Variants in PTPRN2 observed in about 807,000 individuals in gnomAD.
PTPRN2 encodes receptor-type tyrosine-protein phosphatase N2.
Under a neutral mutation model 118.8 loss-of-function variants are expected in PTPRN2, and 74 were observed. The ratio of observed to expected loss-of-function variants is 0.62; its 90% CI spans 0.52 to 0.76. The LOEUF is 0.76. PTPRN2 is among the 30% of genes least tolerant of loss of function. The pLI is 0.00. For missense variants in PTPRN2, 1,481 were observed against 1,394.4 expected (o/e 1.06, Z -0.99); for synonymous variants, 641 against 608.0 (o/e 1.05, Z -0.80).
chr7:158,333,895 G>C (rs1805030221), intron 2 of PTPRN2, among the ~76,000 whole-genome samples: 1 of 143,528 alleles, frequency 7.0e-6, no homozygotes, highest in South Asian at 2.4e-4. Context: ...CATAAGAGCT[G>C]ACACCCGCAG....
At chr7:157,994,595 T>C (rs1195350062) in intron 11 of PTPRN2, among the ~76,000 whole-genome samples, 875 of 71,028 alleles carry the variant, frequency 0.012, 5 homozygotes, top group African/African-American at 0.053. Context: ...CCTAAATCAA[T>C]GCCGCGTCCC....
chr7:157,731,418 G>C (rs1206252238), intron 12 of PTPRN2, among the ~76,000 whole-genome samples: 1 of 152,114 alleles, frequency 6.6e-6, no homozygotes, highest in African/African-American at 2.4e-5. Context: ...AAATAAGTAA[G>C]TCCAGAGGTC....
chr7:157,642,762 TATCATGCCCC>T (rs1000281268), intron 14 of PTPRN2, among the ~76,000 whole-genome samples: 1 of 136,728 alleles, frequency 7.3e-6, no homozygotes, highest in African/African-American at 2.8e-5. Context: ...CCACTTCTTC[TATCATGCCCC>T]ATTCACACAC....
intron 12 of PTPRN2, among the ~76,000 whole-genome samples, chr7:157,704,505 G>T (rs1224030237): frequency 1.3e-5 from 2 of 152,240 alleles, no homozygotes; most frequent in Non-Finnish European, 2.9e-5. Context: ...GTGTGCTTGG[G>T]AATGGAGGGC....
At chr7:157,951,469 C>T (rs1800803000) in intron 11 of PTPRN2, among the ~76,000 whole-genome samples, 1 of 152,166 alleles carries the variant, frequency 6.6e-6, no homozygotes, top group African/African-American at 2.4e-5. Context: ...TGCTGATGCT[C>T]ATAGGAAGGG....
At chr7:158,340,183 T>A (rs1332952973) in intron 2 of PTPRN2, among the ~76,000 whole-genome samples, 1 of 88,220 alleles carries the variant, frequency 1.1e-5, no homozygotes, top group Non-Finnish European at 2.5e-5. Flanking sequence ...CTCGCAGACG[T>A]CACTCACACC....
At position 157,682,770 on chromosome 7, in the gene PTPRN2, C is replaced by A. The variant is rs747494158; in HGVS notation, c.1956G>T (p.Ser652=). 49 of 1,614,058 alleles carry A rather than the reference C, an allele frequency of 3.0e-5. 1 individual carries two copies. The Admixed American group carries it at 7.5e-4, about 25-fold the overall frequency. ...SSQHRLKEKL[S]GLGGDPGADA... is the part of the protein sequence containing the mutation. ...CTGCACCTGGGTCGCCCCCTAGTCC[C>A]GAGAGCTTCTCCTTCAGCCTGTGCT... Residue 652 remains serine, a synonymous_variant, in exon 13 of 23, where the codon TCG becomes TCT. Transcript: ENST00000389418.
At chr7:158,371,934 G>A (rs557777732) in intron 2 of PTPRN2, among the ~76,000 whole-genome samples, 23 of 152,336 alleles carry the variant, frequency 1.5e-4, no homozygotes, top group African/African-American at 5.5e-4. Flanking sequence ...CACACAGCTG[G>A]ACGTAGCGCA....
chr7:158,249,443 CCATACATA>C (rs1163953635), intron 3 of PTPRN2, among the ~76,000 whole-genome samples: 3 of 148,824 alleles, frequency 2.0e-5, no homozygotes, highest in African/African-American at 7.5e-5. Context: ...CACATGCACA[CCATACATA>C]CATGCATACA....
At chr7:157,994,818 G>A (rs13311290) in intron 11 of PTPRN2, among the ~76,000 whole-genome samples, 6 of 11,388 alleles carry the variant, frequency 5.3e-4, no homozygotes, top group African/African-American at 1.5e-3. Flanking sequence ...CCAGCTTACA[G>A]CTCCTTGTTC....
At chr7:158,312,664 T>G (rs1801933168) in intron 3 of PTPRN2, among the ~76,000 whole-genome samples, 3 of 146,060 alleles carry the variant, frequency 2.1e-5, no homozygotes, top group African/African-American at 7.6e-5. Context: ...CATGCATGTG[T>G]GCCTGCCTGC....
At position 158,093,763 on chromosome 7, in the gene PTPRN2, T is replaced by G. The variant is rs1434784582; in HGVS notation, c.1644-12386A>C. ...CTGCACAATTGTGTATTCCTGCCTCTCGTACATGAGGCAATAACTTCCCAA... is the reference window on the plus strand; with the variant it reads ...CTGCACAATTGTGTATTCCTGCCTCGCGTACATGAGGCAATAACTTCCCAA... On this transcript the variant is annotated intron_variant, in intron 10 of 22. Coordinates refer to ENST00000389418, the MANE Select transcript of PTPRN2 (RefSeq NM_002847.5). The surrounding 1 kb of genome is among the most constrained non-coding windows in gnomAD (Gnocchi z 4.4). Among the ~76,000 whole-genome samples, 2 of 152,154 alleles carry G rather than the reference T, an allele frequency of 1.3e-5. No homozygotes were observed. Among genetic ancestry groups the G allele is most frequent in the African/African-American group, 2.4e-5 (1 of 41,430 alleles).
intron 4 of PTPRN2, among the ~76,000 whole-genome samples, chr7:158,204,441 T>C (rs76451158): frequency 1.7e-4 from 26 of 152,374 alleles, no homozygotes; most frequent in African/African-American, 6.0e-4. Flanking sequence ...AATTTTGTGT[T>C]ACTGGAATCT....
chr7:158,370,896 C>T (rs965289704), intron 2 of PTPRN2, among the ~76,000 whole-genome samples: 7 of 152,198 alleles, frequency 4.6e-5, no homozygotes, highest in Non-Finnish European at 1.0e-4. Flanking sequence ...CTAAATACCA[C>T]ACAAAATTAA....
chr7:157,946,457 C>G (rs540071760), intron 11 of PTPRN2, among the ~76,000 whole-genome samples: 20 of 152,340 alleles, frequency 1.3e-4, no homozygotes, highest in African/African-American at 4.8e-4. Context: ...AATAAAGACT[C>G]TGCATGTCAC....
chr7:158,332,619 T>C (rs62480894), intron 2 of PTPRN2, among the ~76,000 whole-genome samples: 33,357 of 115,976 alleles, frequency 0.29, 5,338 homozygotes, highest in Middle Eastern at 0.44. Context: ...CACCTGCAGA[T>C]GTCACTCACA....
At chr7:157,574,031 A>C (rs1799891670) in intron 19 of PTPRN2, among the ~76,000 whole-genome samples, 1 of 152,196 alleles carries the variant, frequency 6.6e-6, no homozygotes, top group Non-Finnish European at 1.5e-5. Context: ...CGACATATTG[A>C]ACACAAGAGT....
rs115177455 is a variant in PTPRN2 at position 157,923,222 on chromosome 7, C to T, written c.1724-24485G>A. ...ATTCTTAACCCTGACCTATAAAAATCACTTAAGTCACCAGAAGCTTTTCCT... is the reference window on the plus strand; with the variant it reads ...ATTCTTAACCCTGACCTATAAAAATTACTTAAGTCACCAGAAGCTTTTCCT... On this transcript the variant is annotated intron_variant, in intron 11 of 22. Transcript: ENST00000389418. Among the ~76,000 whole-genome samples, 492 of 152,330 alleles carry T rather than the reference C, an allele frequency of 3.2e-3. 5 individuals carry two copies. Among genetic ancestry groups the T allele is most frequent in the African/African-American group, 0.012 (480 of 41,570 alleles).
chr7:157,768,303 C>T lies in PTPRN2; in HGVS notation c.1789-85366G>A, dbSNP rs188384924. The stretch of plus-strand genomic sequence containing the variant: ...GTCAACGGATCGTCCTCTGCTCCTC[C>T]GAGCAGCTCATCTGCGTTCGGCTGT... On this transcript the variant is annotated intron_variant, in intron 12 of 22. Transcript: ENST00000389418. Among the ~76,000 whole-genome samples the T allele has an allele frequency of 3.0e-3, 461 of 152,352 alleles. 2 individuals are homozygous for T. The highest frequency in any genetic ancestry group is 0.016 in the South Asian group (79 of 4,828).
Sources: allele counts gnomAD v4.1 joint callset (sites outside exome capture counted in the v4.1 genomes callset), GRCh38; gene constraint gnomAD v4.1.1; non-coding constraint Gnocchi (gnomAD v3.1); transcripts MANE v1.5; gene names NCBI Gene and HGNC (gene_info 2026-07-23, HGNC 2026-07-21).